Variants in WWOX observed in about 807,000 individuals in gnomAD.
WWOX encodes WW domain-containing oxidoreductase.
WWOX carries 69 observed loss-of-function variants against 46.2 expected under a neutral mutation model. That is an observed-to-expected ratio of 1.49 (90% CI 1.23 to 1.82). WWOX has a LOEUF of 1.82. Among genes scored for constraint, WWOX ranks in the 40% most tolerant of loss-of-function variants. WWOX has a pLI of 0.00. For synonymous variants in WWOX, 359 were observed against 202.6 expected (o/e 1.77, Z -6.56); for missense variants, 919 against 542.6 (o/e 1.69, Z -6.89).
At chr16:78,354,605 A>G (rs1030594115) in intron 5 of WWOX, among the ~76,000 whole-genome samples, 1 of 152,026 alleles carries the variant, frequency 6.6e-6, no homozygotes, top group African/African-American at 2.4e-5. Context: ...TTTTTATCAC[A>G]TTTTATTCTT....
intron 8 of WWOX, among the ~76,000 whole-genome samples, chr16:78,635,966 C>G (rs990736126): frequency 7.2e-5 from 11 of 152,112 alleles, no homozygotes; most frequent in African/African-American, 2.7e-4. Flanking sequence ...GAAGCCTTGG[C>G]CTAATTGCAC....
intron 8 of WWOX, among the ~76,000 whole-genome samples, chr16:78,842,792 C>T (rs993996385): frequency 1.5e-5 from 2 of 132,718 alleles, no homozygotes; most frequent in Non-Finnish European, 3.5e-5. Context: ...GCGGAGGTTG[C>T]AGTCAACCAA....
intron 8 of WWOX, among the ~76,000 whole-genome samples, chr16:78,721,254 C>T (rs36095836): frequency 0.7 from 105,427 of 151,586 alleles, 38,018 homozygotes; most frequent in African/African-American, 0.91. Context: ...AAAAAAGTAG[C>T]TTTCATGATG....
intron 8 of WWOX, among the ~76,000 whole-genome samples, chr16:79,135,057 T>C (rs143238250): frequency 2.3e-4 from 35 of 152,346 alleles, no homozygotes; most frequent in East Asian, 1.9e-3. Flanking sequence ...ATAAAAAATA[T>C]ATACAAATAA....
chr16:78,436,039 C>T (rs1486954711), intron 8 of WWOX, among the ~76,000 whole-genome samples: 1 of 152,152 alleles, frequency 6.6e-6, no homozygotes, highest in Non-Finnish European at 1.5e-5. Flanking sequence ...CTGAAAAACA[C>T]CACGTGTGCC....
chr16:79,173,341 G>C (rs6564653), intron 8 of WWOX, among the ~76,000 whole-genome samples: 79,066 of 151,960 alleles, frequency 0.52, 21,423 homozygotes, highest in East Asian at 0.88. Flanking sequence ...TGTATGTTTG[G>C]GGTACAACTC....
At chr16:78,953,290 A>G (rs1172458556) in intron 8 of WWOX, among the ~76,000 whole-genome samples, 2 of 147,604 alleles carry the variant, frequency 1.4e-5, no homozygotes, top group Non-Finnish European at 3.0e-5. Context: ...TAGCTCAGGC[A>G]CAATTATAGT....
chr16:78,201,855 A>G (rs2036240395), intron 5 of WWOX, among the ~76,000 whole-genome samples: 1 of 151,824 alleles, frequency 6.6e-6, no homozygotes, highest in Non-Finnish European at 1.5e-5. Context: ...ACGTGCCACC[A>G]TGCCTGGCTA....
chr16:78,595,239 C>T (rs1345456384), intron 8 of WWOX, among the ~76,000 whole-genome samples: 1 of 152,030 alleles, frequency 6.6e-6, no homozygotes, highest in Non-Finnish European at 1.5e-5. Flanking sequence ...GCAGGTTTAG[C>T]AGTCGTGGGA....
At chr16:79,003,767 C>G (rs374933740) in intron 8 of WWOX, among the ~76,000 whole-genome samples, 7 of 152,288 alleles carry the variant, frequency 4.6e-5, no homozygotes, top group African/African-American at 1.4e-4. Flanking sequence ...GTGGCACGGC[C>G]TTTTCTGACT....
intron 8 of WWOX, among the ~76,000 whole-genome samples, chr16:78,512,341 A>G (rs1022207480): frequency 1.3e-5 from 2 of 152,214 alleles, no homozygotes; most frequent in African/African-American, 4.8e-5. Context: ...TGATGATAAT[A>G]TACTTTTAAA....
At chr16:79,124,350 A>G (rs1411224113) in intron 8 of WWOX, among the ~76,000 whole-genome samples, 2 of 56,290 alleles carry the variant, frequency 3.6e-5, no homozygotes, top group Admixed American at 3.0e-4. Context: ...GGACTTTTTG[A>G]AAAAAAAATC....
At chr16:79,209,652 T>A (rs1186594098) in intron 8 of WWOX, among the ~76,000 whole-genome samples, 7 of 152,150 alleles carry the variant, frequency 4.6e-5, no homozygotes, top group Admixed American at 2.0e-4. Flanking sequence ...TGGAAGTTGA[T>A]ACAAAACACC....
chr16:78,990,467 C>G lies in WWOX; in HGVS notation c.1057-221141C>G, dbSNP rs554109711. Among the ~76,000 whole-genome samples, 16 of 152,210 alleles carry G rather than the reference C, an allele frequency of 1.1e-4. No homozygotes were observed. In the South Asian group the frequency reaches 3.3e-3, roughly 32 times the overall value. On this transcript the variant is annotated intron_variant, in intron 8 of 8. Transcript: ENST00000566780. ...TCCAGAGTCCGGAGCTACTAAAGGT[C>G]AACAGCTGTGTTACTGCAAACTCTG...
chr16:78,254,417 AC>A, intron 5 of WWOX, among the ~76,000 whole-genome samples: 1 of 61,102 alleles, frequency 1.6e-5, no homozygotes, highest in Non-Finnish European at 3.3e-5. Flanking sequence ...TCCCCACCCC[AC>A]CCCACCCCAG....
intron 8 of WWOX, among the ~76,000 whole-genome samples, chr16:78,888,135 A>G (rs1004344759): frequency 1.3e-5 from 2 of 152,170 alleles, no homozygotes; most frequent in East Asian, 1.9e-4. Context: ...AGTGCCATTT[A>G]CAACAAAAAG....
chr16:78,363,283 CTTTT>C (rs367968439), intron 5 of WWOX, among the ~76,000 whole-genome samples: 1 of 144,950 alleles, frequency 6.9e-6, no homozygotes, highest in Non-Finnish European at 1.5e-5. Flanking sequence ...TTTTTGAGGG[CTTTT>C]TTTTTTGACG....
At chr16:78,917,771 A>C (rs1011765975) in intron 8 of WWOX, among the ~76,000 whole-genome samples, 3 of 152,102 alleles carry the variant, frequency 2.0e-5, no homozygotes, top group East Asian at 1.9e-4. Flanking sequence ...TCTATTAATA[A>C]ATATCTGCTA....
At chr16:78,580,194 C>G (rs2045013746) in intron 8 of WWOX, among the ~76,000 whole-genome samples, 1 of 152,022 alleles carries the variant, frequency 6.6e-6, no homozygotes, top group African/African-American at 2.4e-5. Context: ...CTGCCTCAGC[C>G]TCTTGAGTAG....
Sources: gnomAD v4.1 joint callset for allele counts (sites outside exome capture counted in the v4.1 genomes callset) on GRCh38, gnomAD v4.1.1 for gene constraint, MANE v1.5 for transcripts, NCBI Gene and HGNC (gene_info 2026-07-23, HGNC 2026-07-21) for gene names.